DTWD2: variants seen among roughly 807,000 people sequenced by gnomAD.
DTWD2 encodes tRNA-uridine aminocarboxypropyltransferase 2.
A neutral mutation model predicts 31.8 loss-of-function variants in DTWD2; 39 were observed. That is an observed-to-expected ratio of 1.22 (90% CI 0.95 to 1.60). DTWD2 has a LOEUF of 1.60. Ranked by LOEUF, DTWD2 falls within the 40% of genes most tolerant of loss-of-function variation. The probability of loss-of-function intolerance (pLI) is 0.00; values close to 1 mark genes in which losing one functional copy is unlikely to be tolerated. For synonymous variants in DTWD2, 180 were observed against 142.8 expected (o/e 1.26, Z -1.86); for missense variants, 515 against 381.5 (o/e 1.35, Z -2.92).
intron 3 of DTWD2, among the ~76,000 whole-genome samples, chr5:118,930,565 T>C (rs1362341144): frequency 3.3e-5 from 5 of 152,124 alleles, no homozygotes. Flanking sequence ...AGTAACCATC[T>C]TGAAATAGCC....
At chr5:118,985,490 T>TTATATATATA (rs56393420) in intron 1 of DTWD2, among the ~76,000 whole-genome samples, 8,250 of 94,996 alleles carry the variant, frequency 0.087, 527 homozygotes, top group East Asian at 0.24. Flanking sequence ...ATGTGCATTT[T>TTATATATATA]TATATATATA....
intron 3 of DTWD2, among the ~76,000 whole-genome samples, chr5:118,930,060 T>C (rs1422107634): frequency 6.6e-6 from 1 of 152,196 alleles, no homozygotes; most frequent in Non-Finnish European, 1.5e-5. Context: ...GCATCAACCA[T>C]CTGGCCATTT....
intron 5 of DTWD2, among the ~76,000 whole-genome samples, chr5:118,846,037 G>A (rs993961310): frequency 1.1e-4 from 17 of 152,000 alleles, no homozygotes; most frequent in African/African-American, 4.1e-4. Flanking sequence ...ACTATATAAT[G>A]TTATATCATT....
chr5:118,913,016 T>C (rs575423063), intron 4 of DTWD2, among the ~76,000 whole-genome samples: 14 of 152,304 alleles, frequency 9.2e-5, no homozygotes, highest in African/African-American at 3.4e-4. Flanking sequence ...TTAGGGCTCA[T>C]TACGAAGTGG....
At chr5:118,916,468 C>G (rs955341213) in intron 4 of DTWD2, among the ~76,000 whole-genome samples, 2 of 151,980 alleles carry the variant, frequency 1.3e-5, no homozygotes, top group Non-Finnish European at 2.9e-5. Context: ...GAGTTCGAGA[C>G]CAGCCTGATC....
chr5:118,961,515 G>T (rs1754705790), intron 1 of DTWD2, among the ~76,000 whole-genome samples: 1 of 152,042 alleles, frequency 6.6e-6, no homozygotes, highest in Admixed American at 6.5e-5. Flanking sequence ...CTGGGTACTA[G>T]ATATTGAATA....
intron 1 of DTWD2, among the ~76,000 whole-genome samples, chr5:118,946,928 G>C (rs1382672770): frequency 6.6e-6 from 1 of 152,140 alleles, no homozygotes; most frequent in Non-Finnish European, 1.5e-5. Flanking sequence ...TTTCAGTAGA[G>C]AGAGGTTTTC....
chr5:118,858,433 G>A (rs1752187474), intron 4 of DTWD2, among the ~76,000 whole-genome samples: 1 of 152,178 alleles, frequency 6.6e-6, no homozygotes, highest in South Asian at 2.1e-4. Flanking sequence ...AAGTCTCTCA[G>A]GAGAAAAGTG....
chr5:118,927,749 C>T (rs758897259), intron 4 of DTWD2, among the ~76,000 whole-genome samples: 3 of 152,098 alleles, frequency 2.0e-5, no homozygotes, highest in Non-Finnish European at 4.4e-5. Context: ...TAAAAGCTAC[C>T]ATTTTTAAAG....
chr5:118,968,897 T>G (rs1190036355), intron 1 of DTWD2, among the ~76,000 whole-genome samples: 5 of 152,258 alleles, frequency 3.3e-5, no homozygotes, highest in African/African-American at 9.6e-5. Context: ...AGCTGGCCAG[T>G]GGCAGGAAGC....
intron 2 of DTWD2, among the ~76,000 whole-genome samples, chr5:118,941,499 G>C (rs563532823): frequency 1.8e-3 from 272 of 152,282 alleles, no homozygotes; most frequent in African/African-American, 6.2e-3. Context: ...TCCTACAAAG[G>C]ACATGAACTC....
At chr5:118,893,811 G>C (rs1753025938) in intron 4 of DTWD2, among the ~76,000 whole-genome samples, 1 of 152,122 alleles carries the variant, frequency 6.6e-6, no homozygotes, top group Non-Finnish European at 1.5e-5. Flanking sequence ...TAGAATCCGG[G>C]AACAGCCATC....
chr5:118,918,964 C>T (rs1387260398), intron 4 of DTWD2, among the ~76,000 whole-genome samples: 1 of 152,144 alleles, frequency 6.6e-6, no homozygotes, highest in Non-Finnish European at 1.5e-5. Flanking sequence ...TAAATAGGGC[C>T]CCTTCCTGTC....
intron 4 of DTWD2, among the ~76,000 whole-genome samples, chr5:118,910,784 C>T (rs1400669880): frequency 1.3e-5 from 2 of 152,084 alleles, no homozygotes; most frequent in African/African-American, 4.8e-5. Flanking sequence ...GTTCACAGTT[C>T]GGGAGCAGAG....
In DTWD2 at chr5:118,917,728, T is replaced by C. The variant is rs1168466946; in HGVS notation, c.597+10809A>G. On this transcript the variant is annotated intron_variant, in intron 4 of 5. Coordinates refer to ENST00000510708, the MANE Select transcript of DTWD2 (RefSeq NM_173666.4). ...GGCTCATGCCTATAATCCCAGCACTTTGGGAGGCTGAGGTGGGTGGATCAC... is the reference window on the plus strand; with the variant it reads ...GGCTCATGCCTATAATCCCAGCACTCTGGGAGGCTGAGGTGGGTGGATCAC... Among the ~76,000 whole-genome samples, 5 of 152,112 alleles carry C rather than the reference T, an allele frequency of 3.3e-5. No homozygotes were observed. The East Asian group carries it at 9.7e-4, about 29-fold the overall frequency.
chr5:118,941,034 G>C (rs990357152), intron 2 of DTWD2, among the ~76,000 whole-genome samples: 1 of 152,048 alleles, frequency 6.6e-6, no homozygotes, highest in Non-Finnish European at 1.5e-5. Context: ...CCTACTCTTT[G>C]AAATGCTCCA....
At chr5:118,921,535 GAA>G (rs1458819397) in intron 4 of DTWD2, among the ~76,000 whole-genome samples, 1 of 145,846 alleles carries the variant, frequency 6.9e-6, no homozygotes, top group Admixed American at 6.8e-5. Context: ...AAAAAAAAAA[GAA>G]AGAAAGAAAA....
Position 118,841,145 on chromosome 5 carries a change from T to C in DTWD2, c.727-58A>G. The C allele has an allele frequency of 3.3e-6, 5 of 1,537,172 alleles. No individual in the cohort carries two copies. In the South Asian group the frequency reaches 4.9e-5, roughly 15 times the overall value. On this transcript the variant is annotated intron_variant, in intron 5 of 5. Coordinates refer to ENST00000510708, the MANE Select transcript of DTWD2 (RefSeq NM_173666.4). Reference sequence around the variant, plus strand: ...CTGTGACAAATCATGATATTCTATCTATATTTTTCATTCAGAAATAGGAGT... The same window carrying C: ...CTGTGACAAATCATGATATTCTATCCATATTTTTCATTCAGAAATAGGAGT...
At chr5:118,881,767 G>A (rs1469271617) in intron 4 of DTWD2, among the ~76,000 whole-genome samples, 1 of 152,098 alleles carries the variant, frequency 6.6e-6, no homozygotes. Context: ...GATCTCGTAA[G>A]AAATCCCTCA....
Sources: allele counts gnomAD v4.1 joint callset (sites outside exome capture counted in the v4.1 genomes callset), GRCh38; gene constraint gnomAD v4.1.1; transcripts MANE v1.5; gene names NCBI Gene and HGNC (gene_info 2026-07-23, HGNC 2026-07-21).